The following ACSS2 variants were observed in gnomAD, a reference collection of about 807,000 sequenced individuals.
The protein encoded by ACSS2 is acetyl-coenzyme A synthetase, cytoplasmic.
ACSS2 carries 58 observed loss-of-function variants against 90.6 expected under a neutral mutation model. The observed-to-expected ratio is 0.64, with a 90% CI of 0.52 to 0.80. The LOEUF is 0.80. Among genes scored for constraint, ACSS2 ranks in the 30% least tolerant of loss-of-function variants. The pLI is 0.00. For missense variants in ACSS2, 759 were observed against 912.0 expected (o/e 0.83, Z 2.16); for synonymous variants, 300 against 330.9 (o/e 0.91, Z 1.01).
intron 13 of ACSS2, chr20:34,922,158 C>G (rs2081217999): frequency 7.0e-6 from 3 of 429,780 alleles, no homozygotes; most frequent in Non-Finnish European, 1.1e-5. Flanking sequence ...AAAGATTCTA[C>G]AGAAAGGAGG....
At chr20:34,925,546 G>C (rs1045592502) in intron 14 of ACSS2, 152 bp from the exon 15 acceptor site, 1 of 698,578 alleles carries the variant, frequency 1.4e-6, no homozygotes, top group Non-Finnish European at 2.4e-6. Flanking sequence ...GAGATCAGTG[G>C]TGCCCTCTTG....
chr20:34,908,214 G>A (rs573319870), intron 2 of ACSS2, among the ~76,000 whole-genome samples: 11 of 152,316 alleles, frequency 7.2e-5, no homozygotes, highest in Admixed American at 3.3e-4. Flanking sequence ...GGCCAAAAGC[G>A]TGGAGGTGGA....
chr20:34,917,754 T>C (rs945680625), intron 7 of ACSS2, among the ~76,000 whole-genome samples: 1 of 151,992 alleles, frequency 6.6e-6, no homozygotes, highest in African/African-American at 2.4e-5. Flanking sequence ...TTGTTTTTGT[T>C]TTTGTTTTTG....
chr20:34,927,490 A>C lies in ACSS2; in HGVS notation c.*276A>C. 1 of 474,786 alleles carries C rather than the reference A, an allele frequency of 2.1e-6. No individual in the cohort carries two copies. Among genetic ancestry groups the C allele is most frequent in the Non-Finnish European group, 3.8e-6 (1 of 261,222 alleles). 29.4% of individuals were successfully genotyped at this position (474,786 alleles called of 1,614,324 possible). A position where few individuals can be genotyped will look rare whatever the true frequency, so the allele number is the denominator to read the frequency against. The stretch of plus-strand genomic sequence containing the variant: ...GACGAAAAGGCTACCTCTCCTACCC[A>C]AGTTAAGTGTTCAAAGGGGATGTGA... On this transcript the variant is annotated 3_prime_UTR_variant, in exon 18 of 18. Coordinates refer to ENST00000360596, the MANE Select transcript of ACSS2 (RefSeq NM_018677.4). The surrounding 1 kb of genome is among the most constrained non-coding windows in gnomAD (Gnocchi z 4.2).
chr20:34,876,566 G>T, upstream of ACSS2: 1 of 1,275,322 alleles, frequency 7.8e-7, no homozygotes, highest in Non-Finnish European at 1.0e-6. Context: ...CGGAGGCCCC[G>T]CCTCTAGTTC....
chr20:34,900,166 C>CTTT lies in ACSS2; in HGVS notation c.375-12910_375-12908dup, dbSNP rs34951413. Among the ~76,000 whole-genome samples the CTTT allele has an allele frequency of 9.1e-3, 718 of 79,180 alleles. 12 individuals carry two copies. The highest frequency in any genetic ancestry group is 0.012 in the Non-Finnish European group (488 of 42,164). 51.9% of individuals were successfully genotyped at this position (79,180 alleles called of 152,430 possible). On this transcript the variant is annotated intron_variant, in intron 2 of 17. Transcript: ENST00000360596. ...TTGTATCTCCTTGACCATGCCTGAC[C>CTTT]TTTTTTTTTTTTTTTTTTTTTTGAG...
chr20:34,878,127 G>C (rs1050643692), intron 1 of ACSS2, among the ~76,000 whole-genome samples: 3 of 152,150 alleles, frequency 2.0e-5, no homozygotes, highest in Non-Finnish European at 4.4e-5. Context: ...GAGAGACGAG[G>C]TTTTGCCATG....
chr20:34,884,454 G>C (rs952027338), intron 2 of ACSS2, among the ~76,000 whole-genome samples: 5 of 152,210 alleles, frequency 3.3e-5, no homozygotes, highest in African/African-American at 1.2e-4. Context: ...ATTTAACTAA[G>C]AGTCAGTTTC....
At chr20:34,918,673 T>C (rs1359743912) in intron 7 of ACSS2, among the ~76,000 whole-genome samples, 1 of 152,152 alleles carries the variant, frequency 6.6e-6, no homozygotes, top group Non-Finnish European at 1.5e-5. Context: ...CAGATGTGGA[T>C]TGGGTCTGGA....
intron 2 of ACSS2, 37 bp downstream of exon 2, chr20:34,883,026 AAC>A: frequency 6.6e-7 from 1 of 1,517,026 alleles, no homozygotes; most frequent in Non-Finnish European, 9.0e-7. Flanking sequence ...GGCAGATAAA[AAC>A]ACTCATTTGA....
In ACSS2 at chr20:34,913,257, G is replaced by A. The variant is rs896802660; in HGVS notation, c.466+70G>A. ...GTATCTGAGTATCTGAGACTTATGG[G>A]GAGAGGGCAAGGGATGGAAAGAATT... is the stretch of plus-strand genomic sequence containing the variant. On this transcript the variant is annotated intron_variant, in intron 3 of 17. Coordinates refer to ENST00000360596, the MANE Select transcript of ACSS2 (RefSeq NM_018677.4). 1.1e-5 allele frequency: 17 copies of A among 1,573,182 alleles called. No homozygotes were observed. The African/African-American group carries it at 2.3e-4, about 21-fold the overall frequency.
rs776073180 is a variant in ACSS2 at position 34,927,191 on chromosome 20, C to G, written c.2083C>G (p.His695Asp). 6.2e-7 allele frequency: 1 copy of G among 1,614,036 alleles called. No individual in the cohort carries two copies. The highest frequency in any genetic ancestry group is 1.1e-5 in the South Asian group (1 of 91,076). Residue 695 changes from histidine to aspartate, a missense_variant, in exon 18 of 18, where the codon CAC becomes GAC. Transcript: ENST00000360596. This position sits in a 1 kb window ranked among gnomAD's most constrained non-coding sequence, Gnocchi z 4.2. ...ATCTGTCATCAGTCACCTCTTCAGC[C>G]ACCGCTGCCTGACCATCCAGTGAAC... is the stretch of plus-strand genomic sequence containing the variant. ...DPSVISHLFS[H>D]RCLTIQ is the part of the protein sequence containing the mutation.
intron 7 of ACSS2, 144 bp downstream of exon 7, chr20:34,914,581 C>A: frequency 2.8e-6 from 2 of 719,618 alleles, no homozygotes; most frequent in Non-Finnish European, 4.5e-6. Flanking sequence ...TCTAGCAGGG[C>A]TAGGTGGGAA....
At chr20:34,908,296 C>T (rs1045339994) in intron 2 of ACSS2, among the ~76,000 whole-genome samples, 1 of 152,210 alleles carries the variant, frequency 6.6e-6, no homozygotes, top group Admixed American at 6.5e-5. Context: ...GCCTACAAGG[C>T]TCTACGTGAT....
At position 34,911,423 on chromosome 20, in the gene ACSS2, C is replaced by T. The variant is rs533351764; in HGVS notation, c.375-1673C>T. On this transcript the variant is annotated intron_variant, in intron 2 of 17. Transcript: ENST00000360596. ...GGCTGGTCTTGAGCTCCTGACCTCA[C>T]GTGATCCACCTGCCTCGGCCTCCCA... 1.5e-3 allele frequency among the ~76,000 whole-genome samples: 220 copies of T among 149,950 alleles called. 1 individual carries two copies. Among genetic ancestry groups the T allele is most frequent in the African/African-American group, 5.1e-3 (207 of 40,790 alleles).
intron 2 of ACSS2, among the ~76,000 whole-genome samples, chr20:34,887,298 C>CACTTGA (rs2080219739): frequency 6.6e-6 from 1 of 152,146 alleles, no homozygotes; most frequent in African/African-American, 2.4e-5. Flanking sequence ...TTCTAGTAGT[C>CACTTGA]CAGCACTTGG....
chr20:34,925,335 A>G (rs1201430849), intron 14 of ACSS2, among the ~76,000 whole-genome samples: 1 of 152,152 alleles, frequency 6.6e-6, no homozygotes, highest in Admixed American at 6.5e-5. Context: ...TCCTCACCTC[A>G]CCATAGGACT....
intron 2 of ACSS2, among the ~76,000 whole-genome samples, chr20:34,911,825 T>C (rs1281106425): frequency 2.6e-5 from 4 of 151,998 alleles, no homozygotes; most frequent in Non-Finnish European, 4.4e-5. Flanking sequence ...ATTTCTTCTT[T>C]TTTTTGTTTG....
intron 7 of ACSS2, among the ~76,000 whole-genome samples, chr20:34,915,792 A>G (rs913904615): frequency 6.6e-6 from 1 of 152,232 alleles, no homozygotes; most frequent in Admixed American, 6.5e-5. Flanking sequence ...ACTGAACAAA[A>G]GTCATATTGT....
Sources: gnomAD v4.1 joint callset for allele counts (sites outside exome capture counted in the v4.1 genomes callset) on GRCh38, gnomAD v4.1.1 for gene constraint, Gnocchi (gnomAD v3.1) non-coding constraint, MANE v1.5 for transcripts, NCBI Gene and HGNC (gene_info 2026-07-23, HGNC 2026-07-21) for gene names.